NUP93: variants seen among roughly 807,000 people sequenced by gnomAD.
NUP93 encodes nuclear pore complex protein Nup93.
In NUP93, 55 loss-of-function variants were observed where a neutral mutation model predicts 107.8. That is an observed-to-expected ratio of 0.51 (90% confidence interval 0.41 to 0.64). NUP93 has a LOEUF of 0.64. Ranked by LOEUF, NUP93 falls within the 30% of genes least tolerant of loss-of-function variation. The pLI is 0.00. For missense variants in NUP93, 937 were observed against 1,044.7 expected, an observed-to-expected ratio of 0.90 and a Z score of 1.42; for synonymous variants, 390 against 397.5, an observed-to-expected ratio of 0.98 and a Z score of 0.22.
chr16:56,833,161 G>C, intron 12 of NUP93, 54 bp from the exon 13 acceptor site: 1 of 1,519,046 alleles, frequency 6.6e-7, no homozygotes, highest in Non-Finnish European at 8.9e-7. Context: ...TGGGCCACCA[G>C]TGAGCCCCTT....
At chr16:56,736,129 AG>A (rs1206436943) in intron 1 of NUP93, among the ~76,000 whole-genome samples, 1 of 152,248 alleles carries the variant, frequency 6.6e-6, no homozygotes, top group African/African-American at 2.4e-5. Flanking sequence ...CAGGAGTTCA[AG>A]ACCAGCCTAG....
Position 56,847,641 on chromosome 16 carries a change from C to T in NUP93, c.*3032C>T, listed in dbSNP as rs1049696081. The T allele has an allele frequency of 2.0e-5, 3 of 152,158 alleles. No individual in the cohort carries two copies. The highest frequency in any genetic ancestry group is 6.5e-5 in the Admixed American group (1 of 15,270). The allele number at this position is 152,158 out of a possible 1,614,324, so 9.4% of individuals were successfully genotyped here. A position where few individuals can be genotyped will look rare whatever the true frequency, so the allele number is the denominator to read the frequency against. ...AGATTCTCTTCTTTTGGCTCAACAA[C>T]AACAGCAACAAAAAACTCTTTGACT... On this transcript the variant is annotated 3_prime_UTR_variant, in exon 22 of 22. Transcript: ENST00000308159.
chr16:56,759,888 CAA>C (rs35828397), intron 3 of NUP93, among the ~76,000 whole-genome samples: 2 of 152,090 alleles, frequency 1.3e-5, no homozygotes, highest in African/African-American at 4.8e-5. Context: ...GTTTGAAAAA[CAA>C]AGTGTTTTTT....
intron 4 of NUP93, among the ~76,000 whole-genome samples, chr16:56,799,770 A>G (rs1156665161): frequency 6.6e-6 from 1 of 152,272 alleles, no homozygotes; most frequent in East Asian, 1.9e-4. Context: ...TATTCTGTGA[A>G]GGTGAACATG....
At position 56,845,711 on chromosome 16, in the gene NUP93, C is replaced by G. The variant is rs188753362; in HGVS notation, c.*1102C>G. On this transcript the variant is annotated 3_prime_UTR_variant, in exon 22 of 22. Transcript: ENST00000308159. Reference sequence around the variant, plus strand: ...GATGGACGGCTCCCTGAGGTAGACTCTTTCCCAGCAGAATGTTAAGATCCC... The same window carrying G: ...GATGGACGGCTCCCTGAGGTAGACTGTTTCCCAGCAGAATGTTAAGATCCC... The G allele has an allele frequency of 6.6e-5, 10 of 152,320 alleles. No homozygotes were observed. Among genetic ancestry groups the G allele is most frequent in the African/African-American group, 2.4e-4 (10 of 41,558 alleles). 9.4% of individuals were successfully genotyped at this position (152,320 alleles called of 1,614,324 possible).
At chr16:56,793,008 G>A (rs1390984239) in intron 3 of NUP93, among the ~76,000 whole-genome samples, 1 of 152,180 alleles carries the variant, frequency 6.6e-6, no homozygotes, top group Admixed American at 6.5e-5. Context: ...AATGGGGCAG[G>A]GGATGGGGAT....
At chr16:56,753,110 T>C (rs556826767) in intron 2 of NUP93, among the ~76,000 whole-genome samples, 145 of 152,214 alleles carry the variant, frequency 9.5e-4, no homozygotes, top group Non-Finnish European at 1.6e-3. Context: ...CTTTGGAGAA[T>C]ACTAGAGAAC....
At chr16:56,802,911 T>C (rs1331339111) in intron 4 of NUP93, among the ~76,000 whole-genome samples, 1 of 152,180 alleles carries the variant, frequency 6.6e-6, no homozygotes, top group Non-Finnish European at 1.5e-5. Context: ...ATTCAATCTA[T>C]CTATGTTGTT....
chr16:56,769,346 G>A (rs1447004850), intron 3 of NUP93, among the ~76,000 whole-genome samples: 6 of 152,192 alleles, frequency 3.9e-5, no homozygotes, highest in Non-Finnish European at 8.8e-5. Context: ...CACAAGCTTA[G>A]TAGTAAAATA....
At chr16:56,813,692 C>T (rs1437753163) in intron 5 of NUP93, among the ~76,000 whole-genome samples, 2 of 152,222 alleles carry the variant, frequency 1.3e-5, no homozygotes, top group African/African-American at 4.8e-5. Flanking sequence ...CTTACATGCA[C>T]ATCTGTATAT....
intron 1 of NUP93, chr16:56,747,772 T>C (rs1451438196): frequency 2.6e-5 from 4 of 152,826 alleles, no homozygotes; most frequent in African/African-American, 9.7e-5. Context: ...CACAGAGTGG[T>C]TATGAGGGTC....
chr16:56,806,038 C>T (rs989979167), intron 5 of NUP93, among the ~76,000 whole-genome samples: 15 of 149,600 alleles, frequency 1.0e-4, no homozygotes, highest in African/African-American at 3.2e-4. Flanking sequence ...TTTATCTAGC[C>T]AGTGTTAATT....
Position 56,826,685 on chromosome 16 carries a change from CTA to C in NUP93, c.795-2290_795-2289del, listed in dbSNP as rs1297400133. On this transcript the variant is annotated intron_variant, in intron 8 of 21. Coordinates refer to ENST00000308159, the MANE Select transcript of NUP93 (RefSeq NM_014669.5). ...GGACCCGTATACCATCTAGAGGCTC[CTA>C]TTACCTTGTTGTATTTCTTTTTTCC... Among the ~76,000 whole-genome samples, 7 of 152,094 alleles carry C rather than the reference CTA, an allele frequency of 4.6e-5. No individual in the cohort carries two copies. The East Asian group carries it at 1.4e-3, about 29-fold the overall frequency.
At chr16:56,769,742 A>G (rs1304072407) in intron 3 of NUP93, among the ~76,000 whole-genome samples, 1 of 152,228 alleles carries the variant, frequency 6.6e-6, no homozygotes, top group African/African-American at 2.4e-5. Context: ...AGTTAGAAGC[A>G]TGATGCTAGA....
intron 3 of NUP93, among the ~76,000 whole-genome samples, chr16:56,796,671 A>G (rs1962905241): frequency 6.6e-6 from 1 of 152,186 alleles, no homozygotes; most frequent in South Asian, 2.1e-4. Flanking sequence ...ACATTTTCCC[A>G]CAGTTTCTTT....
chr16:56,807,132 T>C (rs1175018871), intron 5 of NUP93, among the ~76,000 whole-genome samples: 1 of 152,222 alleles, frequency 6.6e-6, no homozygotes, highest in African/African-American at 2.4e-5. Context: ...TTCCCTGTTG[T>C]TCTTGCTGCA....
chr16:56,840,761 T>C (rs1964008669), intron 20 of NUP93, among the ~76,000 whole-genome samples: 1 of 152,296 alleles, frequency 6.6e-6, no homozygotes, highest in Admixed American at 6.5e-5. Flanking sequence ...TTTGGGAGGC[T>C]GAGGCGGACT....
At chr16:56,831,818 C>T in intron 10 of NUP93, 24 bp from the exon 11 acceptor site, 1 of 1,610,772 alleles carries the variant, frequency 6.2e-7, no homozygotes, top group Non-Finnish European at 8.5e-7. Context: ...ATGTATCTAT[C>T]TGTCTGTTCC....
In NUP93 at chr16:56,808,503, T is replaced by TATAGTTATGTAACTATATATAA. The variant is rs1963220657; in HGVS notation, c.489+2874_489+2875insGTTATGTAACTATATATAAATA. 4.4e-5 allele frequency among the ~76,000 whole-genome samples: 5 copies of TATAGTTATGTAACTATATATAA among 114,940 alleles called. No homozygotes were observed. The Admixed American group carries it at 5.2e-4, about 12-fold the overall frequency. 75.4% of individuals were successfully genotyped at this position (114,940 alleles called of 152,430 possible). The stretch of plus-strand genomic sequence containing the variant: ...ATATATAGTTATGTAACTATATAAA[T>TATAGTTATGTAACTATATATAA]ATATAGTTATGTAACTATATATAAA... On this transcript the variant is annotated intron_variant, in intron 5 of 21. Transcript: ENST00000308159.
Sources: gnomAD v4.1 joint callset for allele counts (sites outside exome capture counted in the v4.1 genomes callset) on GRCh38, gnomAD v4.1.1 for gene constraint, MANE v1.5 for transcripts, NCBI Gene and HGNC (gene_info 2026-07-23, HGNC 2026-07-21) for gene names.